ABCA13: variants seen among roughly 807,000 people sequenced by gnomAD.
ABCA13 encodes the protein ATP binding cassette subfamily A member 13.
In ABCA13, 476 loss-of-function variants were observed where a neutral mutation model predicts 478.7. That is an observed-to-expected ratio of 0.99 (90% confidence interval 0.92 to 1.07). The LOEUF is 1.07. Ranked by LOEUF, ABCA13 falls within the 50% of genes least tolerant of loss-of-function variation. The pLI is 0.00. For synonymous variants in ABCA13, 2,252 were observed against 2,158.9 expected, an observed-to-expected ratio of 1.04 and a Z score of -1.20; for missense variants, 6,060 against 5,910.6, an observed-to-expected ratio of 1.03 and a Z score of -0.83.
At chr7:48,192,278 G>T (rs1797208567) in intron 1 of ABCA13, among the ~76,000 whole-genome samples, 1 of 151,550 alleles carries the variant, frequency 6.6e-6, no homozygotes, top group African/African-American at 2.4e-5. Context: ...TTGAAAATTT[G>T]AGGTTGTACA....
chr7:48,187,342 T>C (rs1056906022), intron 1 of ABCA13, among the ~76,000 whole-genome samples: 1 of 151,386 alleles, frequency 6.6e-6, no homozygotes, highest in Non-Finnish European at 1.5e-5. Flanking sequence ...GCTTGAAGTT[T>C]AATGGCCGTA....
intron 55 of ABCA13, among the ~76,000 whole-genome samples, chr7:48,554,749 TA>T (rs1417841526): frequency 6.6e-6 from 1 of 151,260 alleles, no homozygotes; most frequent in Non-Finnish European, 1.5e-5. Context: ...TTTTCAAATA[TA>T]AGATAATATT....
At chr7:48,555,676 C>T (rs1037441356) in intron 55 of ABCA13, among the ~76,000 whole-genome samples, 10 of 151,656 alleles carry the variant, frequency 6.6e-5, no homozygotes, top group African/African-American at 1.9e-4. Flanking sequence ...CCTTTTTCAT[C>T]TCTGATTTTA....
At chr7:48,392,848 T>C (rs73694604) in intron 38 of ABCA13, among the ~76,000 whole-genome samples, 3,514 of 152,284 alleles carry the variant, frequency 0.023, 146 homozygotes, top group African/African-American at 0.08. Context: ...AATCAGGTCA[T>C]GTTGACTAAC....
intron 52 of ABCA13, among the ~76,000 whole-genome samples, chr7:48,519,453 A>G (rs1832374479): frequency 1.3e-5 from 2 of 152,220 alleles, no homozygotes; most frequent in South Asian, 4.1e-4. Flanking sequence ...TTTACAAATT[A>G]TAGTGTTAAT....
chr7:48,413,947 G>C (rs1272076936), intron 41 of ABCA13, among the ~76,000 whole-genome samples: 1 of 152,250 alleles, frequency 6.6e-6, no homozygotes, highest in South Asian at 2.1e-4. Context: ...TTAGACCTAG[G>C]GTTTCTGATA....
intron 45 of ABCA13, among the ~76,000 whole-genome samples, chr7:48,472,834 A>T (rs1170564364): frequency 3.3e-5 from 5 of 152,028 alleles, no homozygotes; most frequent in Non-Finnish European, 2.9e-5. Context: ...GTTACTCCAT[A>T]TTGCTTATCT....
At chr7:48,377,181 T>A (rs1479581038) in intron 35 of ABCA13, among the ~76,000 whole-genome samples, 2 of 145,658 alleles carry the variant, frequency 1.4e-5, no homozygotes, top group African/African-American at 2.6e-5. Flanking sequence ...GGAGGACAAG[T>A]ATATCAATGG....
chr7:48,439,037 T>G (rs895539084), intron 42 of ABCA13, among the ~76,000 whole-genome samples: 1 of 152,100 alleles, frequency 6.6e-6, no homozygotes, highest in Admixed American at 6.6e-5. Context: ...CCATTTCCAG[T>G]TTCCAAAATT....
intron 48 of ABCA13, among the ~76,000 whole-genome samples, chr7:48,491,927 G>A (rs948050276): frequency 6.6e-6 from 1 of 152,120 alleles, no homozygotes; most frequent in South Asian, 2.1e-4. Context: ...CTCAGCAGTC[G>A]CACAGCACCA....
chr7:48,193,178 C>A, intron 2 of ABCA13, 126 bp downstream of exon 2: 1 of 701,282 alleles, frequency 1.4e-6, no homozygotes, highest in Non-Finnish European at 2.3e-6. Flanking sequence ...TTCATTATGA[C>A]AATAACAACA....
chr7:48,586,667 A>G (rs1789211360), intron 56 of ABCA13, among the ~76,000 whole-genome samples: 3 of 152,064 alleles, frequency 2.0e-5, no homozygotes, highest in Admixed American at 2.0e-4. Flanking sequence ...AGAAGCCCAA[A>G]CCTCAGTGTC....
At chr7:48,368,167 G>A (rs1233730623) in intron 32 of ABCA13, among the ~76,000 whole-genome samples, 1 of 152,130 alleles carries the variant, frequency 6.6e-6, no homozygotes, top group African/African-American at 2.4e-5. Flanking sequence ...CAAAGCCAGT[G>A]TTCCTCATTC....
chr7:48,628,683 G>A (rs1793889180), intron 59 of ABCA13, among the ~76,000 whole-genome samples: 1 of 152,176 alleles, frequency 6.6e-6, no homozygotes. Context: ...CCAGTAGCAT[G>A]TAAACTTTCT....
intron 12 of ABCA13, 77 bp from the exon 13 acceptor site, chr7:48,245,786 T>A: frequency 7.5e-6 from 11 of 1,470,272 alleles, no homozygotes; most frequent in Non-Finnish European, 1.0e-5. Flanking sequence ...TTATTATATT[T>A]GCAGTTCTTG....
chr7:48,355,940 C>T (rs1050091448), intron 31 of ABCA13, among the ~76,000 whole-genome samples: 28 of 151,684 alleles, frequency 1.8e-4, no homozygotes, highest in South Asian at 6.2e-4. Context: ...GGAGTCTCCC[C>T]GATTTTGATG....
At chr7:48,385,289 C>T (rs1045915214) in intron 35 of ABCA13, among the ~76,000 whole-genome samples, 2 of 152,152 alleles carry the variant, frequency 1.3e-5, no homozygotes, top group Admixed American at 1.3e-4. Context: ...CCTCTCCCTT[C>T]TCTCACCCTT....
At chr7:48,506,197 TC>T in intron 48 of ABCA13, 138 bp from the exon 49 acceptor site, 5 of 810,108 alleles carry the variant, frequency 6.2e-6, no homozygotes, top group South Asian at 1.8e-5. Context: ...GCCATTTTTT[TC>T]TGCTAATTGA....
At chr7:48,488,046 G>T (rs896467985) in intron 47 of ABCA13, among the ~76,000 whole-genome samples, 4 of 152,092 alleles carry the variant, frequency 2.6e-5, no homozygotes, top group Non-Finnish European at 5.9e-5. Context: ...CAGTTCTGTA[G>T]TTAGTGGGTC....
Sources: allele counts gnomAD v4.1 joint callset (sites outside exome capture counted in the v4.1 genomes callset), GRCh38; gene constraint gnomAD v4.1.1; transcripts MANE v1.5; gene names NCBI Gene and HGNC (gene_info 2026-07-23, HGNC 2026-07-21).